FRMD3: variants seen among roughly 807,000 people sequenced by gnomAD.
FRMD3 encodes FERM domain-containing protein 3.
A neutral mutation model predicts 70.2 loss-of-function variants in FRMD3; 33 were observed. The observed-to-expected ratio is 0.47, with a 90% CI of 0.36 to 0.63. FRMD3 has a LOEUF of 0.63. Ranked by LOEUF, FRMD3 falls within the 20% of genes least tolerant of loss-of-function variation. The pLI is 0.00. For synonymous variants in FRMD3, 279 were observed against 255.9 expected (o/e 1.09, Z -0.86); for missense variants, 632 against 711.4 (o/e 0.89, Z 1.27).
intron 10 of FRMD3, among the ~76,000 whole-genome samples, chr9:83,303,713 T>C (rs1835009554): frequency 6.6e-6 from 1 of 152,252 alleles, no homozygotes. Flanking sequence ...TGTCGAGATA[T>C]AATTTACATA....
At chr9:83,300,113 G>A (rs140411047) in intron 10 of FRMD3, among the ~76,000 whole-genome samples, 62 of 152,296 alleles carry the variant, frequency 4.1e-4, no homozygotes, top group African/African-American at 1.4e-3. Context: ...AGACATGCAC[G>A]GAGCCAGGGA....
chr9:83,485,232 A>C (rs1828662627), intron 1 of FRMD3, among the ~76,000 whole-genome samples: 1 of 152,216 alleles, frequency 6.6e-6, no homozygotes, highest in Non-Finnish European at 1.5e-5. Flanking sequence ...TATAGTTAAT[A>C]ATTCTGATGT....
At chr9:83,466,437 C>T (rs1421271398) in intron 1 of FRMD3, among the ~76,000 whole-genome samples, 1 of 152,198 alleles carries the variant, frequency 6.6e-6, no homozygotes, top group Non-Finnish European at 1.5e-5. Context: ...TCCACGATCT[C>T]GCTAAGCCCA....
chr9:83,438,680 G>A (rs910785387), intron 1 of FRMD3, among the ~76,000 whole-genome samples: 8 of 152,226 alleles, frequency 5.3e-5, no homozygotes, highest in African/African-American at 1.4e-4. Context: ...GATTACAGGC[G>A]TGAGCCACCG....
chr9:83,307,807 T>C (rs575040119), intron 10 of FRMD3, among the ~76,000 whole-genome samples: 1 of 152,300 alleles, frequency 6.6e-6, no homozygotes, highest in Admixed American at 6.5e-5. Context: ...TTACGGCATG[T>C]AAATTAGATT....
intron 1 of FRMD3, among the ~76,000 whole-genome samples, chr9:83,465,356 G>A (rs756628617): frequency 5.9e-5 from 9 of 152,130 alleles, no homozygotes; most frequent in South Asian, 4.2e-4. Flanking sequence ...TTGGGAGGCC[G>A]AGGCAGGAGG....
chr9:83,557,880 A>G, the FRMD3 span, among the ~76,000 whole-genome samples: 1 of 152,328 alleles, frequency 6.6e-6, no homozygotes, highest in South Asian at 2.1e-4. Context: ...TTCAAGTAAC[A>G]CATGTTGTTT....
intron 1 of FRMD3, among the ~76,000 whole-genome samples, chr9:83,443,024 T>C (rs990410800): frequency 6.6e-6 from 1 of 152,226 alleles, no homozygotes; most frequent in Non-Finnish European, 1.5e-5. Context: ...TAGATGTGTA[T>C]GTATAGATAT....
At chr9:83,255,906 C>T (rs868124182) in intron 13 of FRMD3, among the ~76,000 whole-genome samples, 28 of 152,200 alleles carry the variant, frequency 1.8e-4, no homozygotes, top group South Asian at 1.0e-3. Context: ...TCCATGCTCA[C>T]GGATAGGACG....
chr9:83,253,619 G>A (rs1383459671), intron 13 of FRMD3, among the ~76,000 whole-genome samples: 1 of 152,138 alleles, frequency 6.6e-6, no homozygotes, highest in Non-Finnish European at 1.5e-5. Context: ...GAAACAACAG[G>A]TGCTGGAGAG....
In FRMD3 at chr9:83,247,766, G is replaced by A; in HGVS notation, c.*152C>T. 1 of 1,476,092 alleles carries A rather than the reference G, an allele frequency of 6.8e-7. No individual in the cohort carries two copies. Among genetic ancestry groups the A allele is most frequent in the Non-Finnish European group, 8.9e-7 (1 of 1,118,366 alleles). The allele number at this position is 1,476,092 out of a possible 1,614,324, so 91.4% of individuals were successfully genotyped here. ...TGATTTAAACTTATTTAAGTGCAGT[G>A]AATTATGGAAAGCTAACTTAAAGGT... On this transcript the variant is annotated 3_prime_UTR_variant, in exon 14 of 14. Coordinates refer to ENST00000304195, the MANE Select transcript of FRMD3 (RefSeq NM_174938.6).
intron 1 of FRMD3, among the ~76,000 whole-genome samples, chr9:83,423,737 C>G (rs1315800587): frequency 6.6e-6 from 1 of 151,934 alleles, no homozygotes; most frequent in Middle Eastern, 3.2e-3. Context: ...GCTGGAATTA[C>G]AGGCTTGTGT....
chr9:83,324,969 T>C (rs1174270027), intron 6 of FRMD3, among the ~76,000 whole-genome samples: 5 of 152,226 alleles, frequency 3.3e-5, no homozygotes, highest in African/African-American at 1.2e-4. Context: ...CTGCGTGCCA[T>C]GGCACAGCAT....
rs545008516 is a variant in FRMD3, at chr9:83,360,613, G to A, written c.296-10856C>T. ...CCAGAGATATAAGGACTTCCCCCAG[G>A]AGAGGCTCCTATTCCTTCTGCTTCC... On this transcript the variant is annotated intron_variant, in intron 3 of 13. Coordinates refer to ENST00000304195, the MANE Select transcript of FRMD3 (RefSeq NM_174938.6). Among the ~76,000 whole-genome samples the A allele has an allele frequency of 7.9e-5, 12 of 152,270 alleles. No individual in the cohort carries two copies. In the South Asian group the frequency reaches 2.5e-3, roughly 32 times the overall value.
At chr9:83,290,192 T>C (rs1422357905) in intron 13 of FRMD3, among the ~76,000 whole-genome samples, 1 of 152,216 alleles carries the variant, frequency 6.6e-6, no homozygotes, top group African/African-American at 2.4e-5. Context: ...TCAGTCTCAG[T>C]GTCCAATATG....
chr9:83,332,288 A>C (rs564474565), intron 6 of FRMD3, among the ~76,000 whole-genome samples: 2 of 152,270 alleles, frequency 1.3e-5, no homozygotes, highest in African/African-American at 4.8e-5. Context: ...TTTTACCTTC[A>C]GTCATCAATC....
At chr9:83,379,354 C>T (rs765808684) in intron 2 of FRMD3, among the ~76,000 whole-genome samples, 1 of 152,072 alleles carries the variant, frequency 6.6e-6, no homozygotes, top group African/African-American at 2.4e-5. Context: ...TGCTATTTTC[C>T]TTTTGATTGC....
At chr9:83,508,851 C>G (rs76355958) in intron 1 of FRMD3, among the ~76,000 whole-genome samples, 2,068 of 152,270 alleles carry the variant, frequency 0.014, 57 homozygotes, top group African/African-American at 0.048. Flanking sequence ...CACCACATGA[C>G]TTGTTGAGTA....
At chr9:83,279,925 C>T (rs892508415) in intron 13 of FRMD3, among the ~76,000 whole-genome samples, 7 of 152,156 alleles carry the variant, frequency 4.6e-5, no homozygotes, top group South Asian at 2.1e-4. Context: ...ATGTAACAAA[C>T]ATGCACGTTC....
Sources: allele counts gnomAD v4.1 joint callset (sites outside exome capture counted in the v4.1 genomes callset), GRCh38; gene constraint gnomAD v4.1.1; transcripts MANE v1.5; gene names NCBI Gene and HGNC (gene_info 2026-07-23, HGNC 2026-07-21).